Variants in GRIK2 observed in about 807,000 individuals in gnomAD.
GRIK2 encodes glutamate receptor ionotropic, kainate 2.
GRIK2 carries 32 observed loss-of-function variants against 100.3 expected under a neutral mutation model. That is an observed-to-expected ratio of 0.32 (90% confidence interval 0.24 to 0.43). GRIK2 has a LOEUF of 0.43. Among genes scored for constraint, GRIK2 ranks in the 20% least tolerant of loss-of-function variants. The pLI is 1.00. For synonymous variants in GRIK2, 417 were observed against 389.4 expected (o/e 1.07, Z -0.83); for missense variants, 843 against 1,114.9 (o/e 0.76, Z 3.47).
intron 14 of GRIK2, among the ~76,000 whole-genome samples, chr6:102,005,374 T>C (rs1336716583): frequency 6.6e-6 from 1 of 152,048 alleles, no homozygotes; most frequent in Non-Finnish European, 1.5e-5. Context: ...TTCTTATTTA[T>C]AAATTAGCAT....
chr6:101,931,169 T>C (rs1388473747), intron 14 of GRIK2, among the ~76,000 whole-genome samples: 1 of 152,154 alleles, frequency 6.6e-6, no homozygotes, highest in Non-Finnish European at 1.5e-5. Context: ...TGTATAGTTA[T>C]TCCAGCTATG....
chr6:101,404,917 T>C (rs1775516623), intron 2 of GRIK2, among the ~76,000 whole-genome samples: 1 of 152,218 alleles, frequency 6.6e-6, no homozygotes, highest in Non-Finnish European at 1.5e-5. Context: ...AAGATTTCAA[T>C]CTGATAACAT....
chr6:101,736,327 G>T (rs1399592960), intron 7 of GRIK2, among the ~76,000 whole-genome samples: 2 of 152,182 alleles, frequency 1.3e-5, no homozygotes, highest in Non-Finnish European at 2.9e-5. Flanking sequence ...GGCTCTGTGT[G>T]GATGTTCCGA....
rs79284666 is a variant in GRIK2, at chr6:101,462,109, C to T, written c.115+62717C>T. ...AATAGAGACACTAATATACCTCTTT[C>T]AGGGTGTTAAATGTTAATATGTTAA... On this transcript the variant is annotated intron_variant, in intron 2 of 16. Transcript: ENST00000369134. 2.6e-5 allele frequency among the ~76,000 whole-genome samples: 4 copies of T among 152,234 alleles called. No individual in the cohort carries two copies. In the East Asian group the frequency reaches 7.7e-4, roughly 29 times the overall value.
chr6:101,419,102 T>G (rs1776290014), intron 2 of GRIK2, among the ~76,000 whole-genome samples: 1 of 152,200 alleles, frequency 6.6e-6, no homozygotes, highest in Non-Finnish European at 1.5e-5. Flanking sequence ...ACTCTTTTTC[T>G]GGGGTAGACA....
At chr6:101,646,315 T>C (rs1292602417) in intron 4 of GRIK2, among the ~76,000 whole-genome samples, 1 of 151,944 alleles carries the variant, frequency 6.6e-6, no homozygotes, top group Non-Finnish European at 1.5e-5. Context: ...TGTATCTTCT[T>C]GATGATCTAA....
chr6:101,588,683 C>CACACAG (rs1173567345), intron 2 of GRIK2, among the ~76,000 whole-genome samples: 2 of 140,640 alleles, frequency 1.4e-5, no homozygotes, highest in African/African-American at 2.8e-5. Context: ...CACACACACA[C>CACACAG]AGAAAAGAAA....
chr6:101,876,082 G>A (rs1785818296), intron 11 of GRIK2, among the ~76,000 whole-genome samples: 1 of 151,372 alleles, frequency 6.6e-6, no homozygotes, highest in South Asian at 2.1e-4. Flanking sequence ...CTTAATTTGA[G>A]TTCACATAAA....
At chr6:101,843,724 T>C (rs1783648941) in intron 10 of GRIK2, among the ~76,000 whole-genome samples, 1 of 152,194 alleles carries the variant, frequency 6.6e-6, no homozygotes, top group Non-Finnish European at 1.5e-5. Flanking sequence ...ATAATGATGC[T>C]AAGGTAGTGC....
intron 2 of GRIK2, among the ~76,000 whole-genome samples, chr6:101,457,194 GT>G (rs1771055458): frequency 6.6e-6 from 1 of 152,094 alleles, no homozygotes; most frequent in South Asian, 2.1e-4. Flanking sequence ...CAAATTCAGT[GT>G]GTCTGTTTTT....
intron 15 of GRIK2, among the ~76,000 whole-genome samples, chr6:102,048,120 T>A (rs2782926): frequency 0.36 from 54,210 of 150,146 alleles, 10,149 homozygotes; most frequent in Middle Eastern, 0.45. Context: ...AAAAAACAGT[T>A]CTTCAATCAA....
rs72610841 is a variant in GRIK2 at position 101,486,012 on chromosome 6, G to T, written c.115+86620G>T. Among the ~76,000 whole-genome samples the T allele has an allele frequency of 0.021, 3,201 of 151,238 alleles. 248 individuals carry two copies. In the East Asian group the frequency reaches 0.28, roughly 13 times the overall value. On this transcript the variant is annotated intron_variant, in intron 2 of 16. Coordinates refer to ENST00000369134, the MANE Select transcript of GRIK2 (RefSeq NM_021956.5). The stretch of plus-strand genomic sequence containing the variant: ...ATTAAACCTATGGGTTTCTAGTTAT[G>T]CTGTTTTATAATTACATGAAATTCA...
chr6:101,769,394 G>A (rs770095261), intron 7 of GRIK2, among the ~76,000 whole-genome samples: 8 of 152,156 alleles, frequency 5.3e-5, no homozygotes, highest in Non-Finnish European at 8.8e-5. Flanking sequence ...GGGAAGTGGA[G>A]GAGTTTAGAG....
At chr6:101,755,161 G>GTTTTTTTTT (rs1157640683) in intron 7 of GRIK2, among the ~76,000 whole-genome samples, 12 of 102,954 alleles carry the variant, frequency 1.2e-4, no homozygotes, top group African/African-American at 1.6e-4. Flanking sequence ...TTTCTTTTTG[G>GTTTTTTTTT]TTTTTTTTTT....
chr6:101,517,532 A>G (rs1304233676), intron 2 of GRIK2, among the ~76,000 whole-genome samples: 1 of 147,832 alleles, frequency 6.8e-6, no homozygotes, highest in Non-Finnish European at 1.5e-5. Flanking sequence ...ATTTTTTTTT[A>G]GCTTTTACTA....
intron 12 of GRIK2, among the ~76,000 whole-genome samples, chr6:101,891,285 A>G (rs935729076): frequency 6.6e-6 from 1 of 151,880 alleles, no homozygotes; most frequent in Non-Finnish European, 1.5e-5. Context: ...TTGGGAGGCC[A>G]AGGCGGGCGG....
chr6:101,764,581 C>A (rs1396430315), intron 7 of GRIK2, among the ~76,000 whole-genome samples: 1 of 152,030 alleles, frequency 6.6e-6, no homozygotes. Flanking sequence ...ATATTATGAC[C>A]ATCTTCCCTT....
chr6:101,497,343 A>G (rs567842049), intron 2 of GRIK2, among the ~76,000 whole-genome samples: 37 of 152,202 alleles, frequency 2.4e-4, no homozygotes, highest in Non-Finnish European at 5.1e-4. Flanking sequence ...TCTGTGTTTA[A>G]TACGTGCCAT....
intron 14 of GRIK2, among the ~76,000 whole-genome samples, chr6:101,979,818 C>A: frequency 6.6e-6 from 1 of 152,060 alleles, no homozygotes; most frequent in Admixed American, 6.6e-5. Flanking sequence ...ATCAAATATT[C>A]ATTGAGTTGC....
Sources: allele counts gnomAD v4.1 joint callset (sites outside exome capture counted in the v4.1 genomes callset), GRCh38; gene constraint gnomAD v4.1.1; transcripts MANE v1.5; gene names NCBI Gene and HGNC (gene_info 2026-07-23, HGNC 2026-07-21).